Variants in PRPF8 observed in about 807,000 individuals in gnomAD.
PRPF8 encodes the protein pre-mRNA-processing-splicing factor 8.
PRPF8 carries 64 observed loss-of-function variants against 285.9 expected under a neutral mutation model. That is an observed-to-expected ratio of 0.22 (90% CI 0.18 to 0.28). PRPF8 has a LOEUF of 0.28. Among genes scored for constraint, PRPF8 ranks in the 10% least tolerant of loss-of-function variants. The pLI is 1.00. For synonymous variants in PRPF8, 1,325 were observed against 1,118.2 expected, an observed-to-expected ratio of 1.18 and a Z score of -3.69; for missense variants, 1,426 against 3,026.7, an observed-to-expected ratio of 0.47 and a Z score of 12.41.
chr17:1,664,932 T>C (rs1167641762), intron 24 of PRPF8, among the ~76,000 whole-genome samples: 1 of 151,128 alleles, frequency 6.6e-6, no homozygotes, highest in Non-Finnish European at 1.5e-5. Flanking sequence ...CCAAGGCGGG[T>C]GAATCACGAG....
At chr17:1,665,988 C>T (rs968923462) in intron 24 of PRPF8, among the ~76,000 whole-genome samples, 1 of 34,988 alleles carries the variant, frequency 2.9e-5, no homozygotes, top group Non-Finnish European at 4.4e-5. Context: ...ACGGTGAAAC[C>T]GCGTCGTAGT....
chr17:1,682,716 A>G (rs1203511399), intron 3 of PRPF8, among the ~76,000 whole-genome samples: 2 of 152,224 alleles, frequency 1.3e-5, no homozygotes, highest in Non-Finnish European at 2.9e-5. Flanking sequence ...CTATATCCCC[A>G]GCAGCCAGCA....
At position 1,656,392 on chromosome 17, in the gene PRPF8, C is replaced by T. The variant is rs1361397095; in HGVS notation, c.5793G>A (p.Thr1931=). The change falls in exon 36 of 43, where the codon ACG becomes ACA. Residue 1931 remains threonine (T), a splice_region_variant and synonymous_variant. Transcript: ENST00000304992. ...DDWLKTISSY[T]AFSRLILILR... is the part of the protein sequence containing the mutation. The stretch of plus-strand genomic sequence containing the variant: ...GATCTTCTCTTCCCGAGGTTCATAC[C>T]GTGTAAGATGAAATAGTCTTGAGCC... The T allele has an allele frequency of 2.5e-6, 4 of 1,614,000 alleles. No individual in the cohort carries two copies. The highest frequency in any genetic ancestry group is 2.2e-5 in the East Asian group (1 of 44,894).
intron 39 of PRPF8, chr17:1,652,206 T>A (rs1033987748): frequency 6.3e-5 from 20 of 318,922 alleles, no homozygotes; most frequent in Non-Finnish European, 1.2e-4. Flanking sequence ...ACACAGGATA[T>A]TAACAATCTT....
In PRPF8 at chr17:1,676,095, G is replaced by A; in HGVS notation, c.2553-41C>T. On this transcript the variant is annotated intron_variant, in intron 17 of 42. Coordinates refer to ENST00000304992, the MANE Select transcript of PRPF8 (RefSeq NM_006445.4). The surrounding 1 kb of genome is among the most constrained non-coding windows in gnomAD (Gnocchi z 6.3). The stretch of plus-strand genomic sequence containing the variant: ...GGAAGGGTGAATGGGAAAACTAGGA[G>A]GAAGTAAAACCAGGAAAGACTGGGG... 1.2e-6 allele frequency: 2 copies of A among 1,612,336 alleles called. No homozygotes were observed. Among genetic ancestry groups the A allele is most frequent in the Non-Finnish European group, 1.7e-6 (2 of 1,179,972 alleles).
intron 24 of PRPF8, among the ~76,000 whole-genome samples, chr17:1,667,147 T>C (rs535928409): frequency 2.0e-4 from 30 of 150,864 alleles, no homozygotes; most frequent in Non-Finnish European, 4.0e-4. Flanking sequence ...CACTCCAGCC[T>C]GGGCAATAGA....
intron 24 of PRPF8, among the ~76,000 whole-genome samples, chr17:1,671,341 G>A (rs1438957722): frequency 6.6e-6 from 1 of 152,148 alleles, no homozygotes; most frequent in Non-Finnish European, 1.5e-5. Flanking sequence ...CCAACATTCT[G>A]AGCACCAACA....
Position 1,678,574 on chromosome 17 carries a change from G to T in PRPF8, c.1798C>A (p.Arg600=). 1 of 1,614,190 alleles carries T rather than the reference G, an allele frequency of 6.2e-7. No homozygotes were observed. Among genetic ancestry groups the T allele is most frequent in the Non-Finnish European group, 8.5e-7 (1 of 1,180,042 alleles). ...AGGTCCTTGCACATGCGAATCTGTC[G>T]CATCAGCTTGTATTTGTATCGATAC... is the stretch of plus-strand genomic sequence containing the variant. ...GMYRYKYKLM[R]QIRMCKDLKH... is the part of the protein sequence containing the mutation. Residue 600 remains arginine, a synonymous_variant, in exon 13 of 43, where the codon CGA becomes AGA. Transcript: ENST00000304992.
Position 1,680,715 on chromosome 17 carries a change from C to T in PRPF8, c.1098+11G>A. On this transcript the variant is annotated intron_variant, in intron 8 of 42. Transcript: ENST00000304992. Reference sequence around the variant, plus strand: ...GAAGAGCTGAGGGAAAGCATCCCTTCCCTTCCTCACCTTGACTGAGTGCCT... The same window carrying T: ...GAAGAGCTGAGGGAAAGCATCCCTTTCCTTCCTCACCTTGACTGAGTGCCT... 2 of 1,603,780 alleles carry T rather than the reference C, an allele frequency of 1.2e-6. No individual in the cohort carries two copies. Among genetic ancestry groups the T allele is most frequent in the African/African-American group, 1.3e-5 (1 of 74,804 alleles).
intron 24 of PRPF8, among the ~76,000 whole-genome samples, chr17:1,670,526 T>C (rs531594359): frequency 9.2e-4 from 140 of 152,298 alleles, no homozygotes; most frequent in African/African-American, 3.3e-3. Flanking sequence ...CTCACCCTGT[T>C]GCCAGGCTGG....
chr17:1,669,398 T>C (rs1338390438), intron 24 of PRPF8, among the ~76,000 whole-genome samples: 4 of 152,152 alleles, frequency 2.6e-5, no homozygotes, highest in East Asian at 1.9e-4. Flanking sequence ...AGCCACTGTG[T>C]CCAGCCAATT....
chr17:1,676,460 C>A lies in PRPF8; in HGVS notation c.2388+45G>T. The A allele has an allele frequency of 6.2e-7, 1 of 1,613,968 alleles. No homozygotes were observed. The highest frequency in any genetic ancestry group is 8.5e-7 in the Non-Finnish European group (1 of 1,179,958). ...ACAACTCTACAGTCCTCCCTCTTGC[C>A]CACTCCCCCACCACTCACACCCAGC... On this transcript the variant is annotated intron_variant, in intron 16 of 42. Transcript: ENST00000304992. The surrounding 1 kb of genome is among the most constrained non-coding windows in gnomAD (Gnocchi z 6.3).
rs770133861 is a variant in PRPF8, at chr17:1,673,207, A to G, written c.3658-10T>C. The G allele has an allele frequency of 1.2e-6, 2 of 1,613,184 alleles. No homozygotes were observed. The highest frequency in any genetic ancestry group is 2.2e-5 in the East Asian group (1 of 44,880). ...TGCGCTCCTTAGTAACCTAAACCACAAAGTCAAGGTTAACATGTCCGAGGA... is the reference window on the plus strand; with the variant it reads ...TGCGCTCCTTAGTAACCTAAACCACGAAGTCAAGGTTAACATGTCCGAGGA... On this transcript the variant is annotated splice_polypyrimidine_tract_variant and intron_variant, in intron 23 of 42. Transcript: ENST00000304992. The surrounding 1 kb of genome is among the most constrained non-coding windows in gnomAD (Gnocchi z 5.5).
At chr17:1,682,680 C>T (rs776886131) in intron 3 of PRPF8, among the ~76,000 whole-genome samples, 3 of 152,176 alleles carry the variant, frequency 2.0e-5, no homozygotes, top group Non-Finnish European at 4.4e-5. Context: ...TGCAGAAAGG[C>T]GGAGATTGTT....
In PRPF8 at chr17:1,653,524, C is replaced by G; in HGVS notation, c.6369+18G>C. The G allele has an allele frequency of 6.2e-7, 1 of 1,614,200 alleles. No homozygotes were observed. ...GAGTTGGGCACACACTGTGGCCTAGCTGAGTCCACTTACTCACTTGGGCCC... is the reference window on the plus strand; with the variant it reads ...GAGTTGGGCACACACTGTGGCCTAGGTGAGTCCACTTACTCACTTGGGCCC... On this transcript the variant is annotated intron_variant, in intron 39 of 42. Coordinates refer to ENST00000304992, the MANE Select transcript of PRPF8 (RefSeq NM_006445.4). The surrounding 1 kb of genome is among the most constrained non-coding windows in gnomAD (Gnocchi z 4.9).
chr17:1,678,304 G>C, intron 13 of PRPF8: 1 of 576,500 alleles, frequency 1.7e-6, no homozygotes, highest in Admixed American at 2.9e-5. Flanking sequence ...AACAGAGAAA[G>C]ACTCAGTTTC....
chr17:1,678,740 G>T, intron 12 of PRPF8, 22 bp downstream of exon 12: 1 of 1,614,066 alleles, frequency 6.2e-7, no homozygotes, highest in Non-Finnish European at 8.5e-7. Flanking sequence ...CCCAGGCAGG[G>T]GTTGGGAATA....
rs904610129 is a variant in PRPF8, at chr17:1,676,819, G to A, written c.2182-108C>T. The stretch of plus-strand genomic sequence containing the variant: ...TAAGGAGGATCGCTTGAGCTCAGGA[G>A]CTTGAGGCCAGCCTAAGCAACATGG... On this transcript the variant is annotated intron_variant, in intron 15 of 42. Coordinates refer to ENST00000304992, the MANE Select transcript of PRPF8 (RefSeq NM_006445.4). This position sits in a 1 kb window ranked among gnomAD's most constrained non-coding sequence, Gnocchi z 6.3. 3.4e-6 allele frequency: 5 copies of A among 1,482,328 alleles called. No individual in the cohort carries two copies. Among genetic ancestry groups the A allele is most frequent in the Middle Eastern group, 2.3e-4 (1 of 4,284 alleles). The allele number at this position is 1,482,328 out of a possible 1,614,324, so 91.8% of individuals were successfully genotyped here.
chr17:1,656,350 C>A (rs768195961), intron 36 of PRPF8, 42 bp downstream of exon 36: 1 of 1,613,058 alleles, frequency 6.2e-7, no homozygotes, highest in African/African-American at 1.3e-5. Flanking sequence ...TAACCCTAAA[C>A]CCGCTCCTCC....
Sources: allele counts gnomAD v4.1 joint callset (sites outside exome capture counted in the v4.1 genomes callset), GRCh38; gene constraint gnomAD v4.1.1; non-coding constraint Gnocchi (gnomAD v3.1); transcripts MANE v1.5; gene names NCBI Gene and HGNC (gene_info 2026-07-23, HGNC 2026-07-21).